PAFAH1B1: variants seen among roughly 807,000 people sequenced by gnomAD.
PAFAH1B1 encodes the protein platelet activating factor acetylhydrolase 1b regulatory subunit 1, also known as platelet-activating factor acetylhydrolase IB subunit beta.
Under a neutral mutation model 57.5 loss-of-function variants are expected in PAFAH1B1, and 2 were observed. The ratio of observed to expected loss-of-function variants is 0.03; its 90% CI spans 0.01 to 0.11. The LOEUF (loss-of-function observed/expected upper bound fraction) is 0.11. Ranked by LOEUF, PAFAH1B1 falls within the 10% of genes least tolerant of loss-of-function variation. PAFAH1B1 has a pLI of 1.00. For synonymous variants in PAFAH1B1, 152 were observed against 169.6 expected (o/e 0.90, Z 0.81); for missense variants, 257 against 512.0 (o/e 0.50, Z 4.81).
chr17:2,608,627 C>T (rs950721173), intron 1 of PAFAH1B1, among the ~76,000 whole-genome samples: 1 of 152,158 alleles, frequency 6.6e-6, no homozygotes, highest in Admixed American at 6.5e-5. Context: ...CATAGTGAGA[C>T]CCTGTCTCTA....
intron 1 of PAFAH1B1, among the ~76,000 whole-genome samples, chr17:2,630,435 G>A (rs1346907941): frequency 6.6e-6 from 1 of 152,158 alleles, no homozygotes; most frequent in Non-Finnish European, 1.5e-5. Flanking sequence ...CGAAGATAAG[G>A]CCCTAATCCC....
intron 1 of PAFAH1B1, among the ~76,000 whole-genome samples, chr17:2,601,733 C>T (rs530441395): frequency 5.9e-5 from 9 of 152,248 alleles, no homozygotes; most frequent in South Asian, 2.1e-4. Flanking sequence ...TGCACCACGG[C>T]GCCCGGCCTA....
chr17:2,627,944 G>C (rs1202482935), intron 1 of PAFAH1B1, among the ~76,000 whole-genome samples: 1 of 152,164 alleles, frequency 6.6e-6, no homozygotes, highest in Non-Finnish European at 1.5e-5. Context: ...CAGAAACTTT[G>C]CCGAATTCTT....
intron 1 of PAFAH1B1, among the ~76,000 whole-genome samples, chr17:2,623,580 A>G (rs866765925): frequency 6.1e-5 from 9 of 147,350 alleles, no homozygotes; most frequent in Non-Finnish European, 1.0e-4. Context: ...TTTTTTTTCT[A>G]TCATATAGTC....
intron 2 of PAFAH1B1, among the ~76,000 whole-genome samples, chr17:2,653,340 A>G (rs553535059): frequency 1.6e-4 from 24 of 152,232 alleles, no homozygotes; most frequent in African/African-American, 5.1e-4. Flanking sequence ...TAATGGGTGC[A>G]GCACACCAAC....
At chr17:2,612,034 G>A (rs1227783089) in intron 1 of PAFAH1B1, among the ~76,000 whole-genome samples, 2 of 152,058 alleles carry the variant, frequency 1.3e-5, no homozygotes, top group African/African-American at 2.4e-5. Flanking sequence ...ATCATTGATA[G>A]CTATTAGGTT....
At chr17:2,672,875 C>T in intron 7 of PAFAH1B1, 118 bp downstream of exon 7, 1 of 714,276 alleles carries the variant, frequency 1.4e-6, no homozygotes, top group Non-Finnish European at 2.6e-6. Context: ...GAAGACCAGC[C>T]TGGCCAACAT....
At chr17:2,647,320 C>G (rs375491596) in intron 2 of PAFAH1B1, among the ~76,000 whole-genome samples, 1 of 151,994 alleles carries the variant, frequency 6.6e-6, no homozygotes, top group Non-Finnish European at 1.5e-5. Context: ...GAGCCGAGAT[C>G]GTGCCACTGC....
chr17:2,646,436 TGAGGTCAGGA>T (rs56116665), intron 2 of PAFAH1B1, among the ~76,000 whole-genome samples: 87,197 of 151,544 alleles, frequency 0.58, 27,617 homozygotes, highest in East Asian at 0.87. Flanking sequence ...GTGGATCACT[TGAGGTCAGGA>T]GTTTGAGACC....
At chr17:2,632,032 C>T (rs2068562263) in intron 1 of PAFAH1B1, among the ~76,000 whole-genome samples, 1 of 152,192 alleles carries the variant, frequency 6.6e-6, no homozygotes, top group South Asian at 2.1e-4. Context: ...CTCTTATTCA[C>T]TGTCATTACC....
At chr17:2,620,702 A>G (rs2068409592) in intron 1 of PAFAH1B1, among the ~76,000 whole-genome samples, 2 of 152,212 alleles carry the variant, frequency 1.3e-5, no homozygotes, top group South Asian at 4.2e-4. Context: ...TCTCTACTAA[A>G]AATACAAAAA....
intron 1 of PAFAH1B1, among the ~76,000 whole-genome samples, chr17:2,619,353 T>C (rs1410561908): frequency 1.3e-5 from 2 of 152,012 alleles, no homozygotes; most frequent in Non-Finnish European, 2.9e-5. Context: ...AGATGGGGTT[T>C]CACTAGCTGG....
chr17:2,596,215 C>CAT (rs1441250324), intron 1 of PAFAH1B1, among the ~76,000 whole-genome samples: 2 of 152,078 alleles, frequency 1.3e-5, no homozygotes, highest in African/African-American at 4.8e-5. Flanking sequence ...TACACACACA[C>CAT]ATATATCTAC....
At position 2,659,180 on chromosome 17, in the gene PAFAH1B1, G is replaced by A. The variant is rs563094217; in HGVS notation, c.33-6192G>A. Among the ~76,000 whole-genome samples the A allele has an allele frequency of 6.0e-5, 9 of 150,500 alleles. No homozygotes were observed. The South Asian group carries it at 1.9e-3, about 32-fold the overall frequency. On this transcript the variant is annotated intron_variant, in intron 2 of 10. Transcript: ENST00000397195. ...GCAGGAGAATCGCTTGAACCCAGGA[G>A]GGGGAGGTTGCAGTGAGCCGAGATT...
intron 2 of PAFAH1B1, among the ~76,000 whole-genome samples, chr17:2,657,143 T>G (rs552212850): frequency 2.0e-5 from 3 of 152,338 alleles, no homozygotes; most frequent in South Asian, 2.1e-4. Flanking sequence ...TTAGATTTAT[T>G]GGTTGAAGGT....
intron 1 of PAFAH1B1, among the ~76,000 whole-genome samples, chr17:2,633,037 T>C (rs746117136): frequency 3.3e-5 from 5 of 152,230 alleles, no homozygotes; most frequent in East Asian, 1.9e-4. Context: ...TATATAGATA[T>C]ATAACTATAA....
chr17:2,604,332 C>T (rs903850000), intron 1 of PAFAH1B1, among the ~76,000 whole-genome samples: 11 of 152,202 alleles, frequency 7.2e-5, no homozygotes, highest in African/African-American at 2.2e-4. Context: ...GCCACCGCAC[C>T]CTGCTGAGAT....
intron 1 of PAFAH1B1, among the ~76,000 whole-genome samples, chr17:2,607,237 AAT>A (rs1490209820): frequency 3.3e-5 from 5 of 151,836 alleles, no homozygotes; most frequent in African/African-American, 1.2e-4. Context: ...GCAGTGGTGT[AAT>A]ATCCGCTCAC....
At chr17:2,681,655 G>T in intron 10 of PAFAH1B1, 74 bp from the exon 11 acceptor site, 1 of 1,141,602 alleles carries the variant, frequency 8.8e-7, no homozygotes, top group South Asian at 1.3e-5. Flanking sequence ...GTATTTTGTA[G>T]AGAGGGGGTC....
Sources: allele counts gnomAD v4.1 joint callset (sites outside exome capture counted in the v4.1 genomes callset), GRCh38; gene constraint gnomAD v4.1.1; transcripts MANE v1.5; gene names NCBI Gene and HGNC (gene_info 2026-07-23, HGNC 2026-07-21).